The following KCNH8 variants were observed in gnomAD, a reference collection of about 807,000 sequenced individuals.
KCNH8 encodes voltage-gated delayed rectifier potassium channel KCNH8.
In KCNH8, 70 loss-of-function variants were observed where a neutral mutation model predicts 103.6. The observed-to-expected ratio is 0.68, with a 90% CI of 0.56 to 0.82. KCNH8 has a LOEUF of 0.82. KCNH8 is among the 40% of genes least tolerant of loss of function. The pLI is 0.00. For missense variants in KCNH8, 1,217 were observed against 1,329.9 expected, an observed-to-expected ratio of 0.92 and a Z score of 1.32; for synonymous variants, 498 against 489.4, an observed-to-expected ratio of 1.02 and a Z score of -0.23.
chr3:19,531,456 T>G (rs1235523768), intron 15 of KCNH8, among the ~76,000 whole-genome samples: 1 of 152,192 alleles, frequency 6.6e-6, no homozygotes, highest in Non-Finnish European at 1.5e-5. Context: ...TTCTTAAATG[T>G]GAGGCTGAGA....
At chr3:19,386,818 T>C (rs1399516048) in intron 5 of KCNH8, among the ~76,000 whole-genome samples, 2 of 152,144 alleles carry the variant, frequency 1.3e-5, no homozygotes, top group Non-Finnish European at 2.9e-5. Context: ...AAATAAATTC[T>C]GATCTAATTT....
intron 4 of KCNH8, chr3:19,346,842 G>T: frequency 2.8e-6 from 1 of 354,534 alleles, no homozygotes; most frequent in African/African-American, 2.1e-5. Context: ...GTCAAAGCCA[G>T]GTCTGCAAGT....
intron 1 of KCNH8, among the ~76,000 whole-genome samples, chr3:19,186,600 G>C (rs921229672): frequency 6.6e-6 from 1 of 151,822 alleles, no homozygotes; most frequent in Non-Finnish European, 1.5e-5. Context: ...GTTTCGTTGA[G>C]GGATAAATTT....
intron 5 of KCNH8, among the ~76,000 whole-genome samples, chr3:19,358,493 G>T (rs114738222): frequency 6.7e-4 from 101 of 151,840 alleles, no homozygotes; most frequent in African/African-American, 2.3e-3. Flanking sequence ...AGGAAGGAGT[G>T]GATCCAAGAT....
At chr3:19,184,362 G>A (rs1164399073) in intron 1 of KCNH8, among the ~76,000 whole-genome samples, 1 of 151,956 alleles carries the variant, frequency 6.6e-6, no homozygotes, top group Non-Finnish European at 1.5e-5. Context: ...ACATAGCTAT[G>A]TGACAACAGT....
intron 2 of KCNH8, among the ~76,000 whole-genome samples, chr3:19,279,013 G>A (rs2064718039): frequency 6.6e-6 from 1 of 152,118 alleles, no homozygotes; most frequent in African/African-American, 2.4e-5. Flanking sequence ...AATAGCCTCG[G>A]TTATGATTTG....
chr3:19,516,835 C>T (rs1174247571), intron 14 of KCNH8, among the ~76,000 whole-genome samples: 4 of 152,006 alleles, frequency 2.6e-5, no homozygotes, highest in Admixed American at 2.0e-4. Flanking sequence ...TTTCTTTGAC[C>T]TCACACTGTT....
chr3:19,456,817 C>G lies in KCNH8; in HGVS notation c.1875C>G (p.Ile625Met). The change falls in exon 11 of 16, where the codon ATC (isoleucine) becomes ATG (methionine). Residue 625 changes from isoleucine (I) to methionine (M), a missense_variant. Ile to Met is a conservative substitution (Grantham distance 10). Around this residue, in one of 3 missense-constraint regions of KCNH8, gnomAD observed 415 missense variants for 577.4 expected, o/e 0.72. Coordinates refer to ENST00000328405, the MANE Select transcript of KCNH8 (RefSeq NM_144633.3). ...GANLSIKDQV[I>M]KTNADVKALT... Reference sequence around the variant, plus strand: ...ATCTATCAATTAAGGACCAAGTGATCAAGACCAATGCAGATGTAAAGGCTT... The same window carrying G: ...ATCTATCAATTAAGGACCAAGTGATGAAGACCAATGCAGATGTAAAGGCTT... The G allele has an allele frequency of 3.1e-6, 5 of 1,611,658 alleles. No individual in the cohort carries two copies. Among genetic ancestry groups the G allele is most frequent in the Non-Finnish European group, 4.2e-6 (5 of 1,178,646 alleles).
intron 1 of KCNH8, among the ~76,000 whole-genome samples, chr3:19,251,005 T>C (rs2064269631): frequency 6.6e-6 from 1 of 152,180 alleles, no homozygotes; most frequent in Non-Finnish European, 1.5e-5. Context: ...TGTAGTACTT[T>C]GTCAATCCTA....
intron 1 of KCNH8, among the ~76,000 whole-genome samples, chr3:19,175,611 ATAGT>A (rs763614929): frequency 6.6e-6 from 1 of 152,232 alleles, no homozygotes; most frequent in Non-Finnish European, 1.5e-5. Context: ...ATGAGACTAA[ATAGT>A]TAAAATACTG....
intron 2 of KCNH8, among the ~76,000 whole-genome samples, chr3:19,272,326 T>C (rs1232672895): frequency 6.6e-6 from 1 of 151,904 alleles, no homozygotes; most frequent in Admixed American, 6.6e-5. Context: ...CTGCCAAAAA[T>C]ATGAGAGGTA....
At chr3:19,307,087 TTTTGACAAAAG>T (rs1230991403) in intron 3 of KCNH8, among the ~76,000 whole-genome samples, 1 of 151,856 alleles carries the variant, frequency 6.6e-6, no homozygotes, top group East Asian at 1.9e-4. Flanking sequence ...GCCAACTGAT[TTTTGACAAAAG>T]TGCCTAGAAT....
intron 2 of KCNH8, among the ~76,000 whole-genome samples, chr3:19,257,935 C>T (rs947944464): frequency 5.9e-5 from 9 of 152,106 alleles, no homozygotes; most frequent in Non-Finnish European, 7.4e-5. Context: ...TTGCTGGAAA[C>T]CTTTGGTGAT....
chr3:19,390,689 G>T (rs376197937), intron 6 of KCNH8, 51 bp downstream of exon 6: 380 of 1,538,918 alleles, frequency 2.5e-4, no homozygotes, highest in Non-Finnish European at 3.0e-4. Context: ...TTTATTTATC[G>T]CATGTTCAGG....
intron 1 of KCNH8, among the ~76,000 whole-genome samples, chr3:19,211,791 A>G (rs940268414): frequency 9.2e-5 from 14 of 152,158 alleles, no homozygotes; most frequent in African/African-American, 3.4e-4. Context: ...GTCATGCTGG[A>G]TTTCCATTTA....
At chr3:19,219,459 A>G (rs918686328) in intron 1 of KCNH8, among the ~76,000 whole-genome samples, 1 of 152,136 alleles carries the variant, frequency 6.6e-6, no homozygotes, top group Non-Finnish European at 1.5e-5. Flanking sequence ...AGCACCTACA[A>G]CTGAACTTGA....
intron 2 of KCNH8, among the ~76,000 whole-genome samples, chr3:19,272,168 T>G (rs1433519027): frequency 6.6e-6 from 1 of 151,986 alleles, no homozygotes; most frequent in Non-Finnish European, 1.5e-5. Flanking sequence ...AAAGACTGAT[T>G]GCTTCATTTT....
At position 19,281,192 on chromosome 3, in the gene KCNH8, T is replaced by C; in HGVS notation, c.311-6T>C. 1 of 1,608,478 alleles carries C rather than the reference T, an allele frequency of 6.2e-7. No homozygotes were observed. Among genetic ancestry groups the C allele is most frequent in the Non-Finnish European group, 8.5e-7 (1 of 1,177,220 alleles). ...GATTTGTATTTTTTTTTCTTTACTG[T>C]TGCAGGGTCTCCATTTTGGTGCCTA... On this transcript the variant is annotated splice_region_variant and splice_polypyrimidine_tract_variant and intron_variant, in intron 2 of 15. Transcript: ENST00000328405.
intron 7 of KCNH8, among the ~76,000 whole-genome samples, chr3:19,430,427 T>C (rs1270966873): frequency 6.6e-6 from 1 of 151,918 alleles, no homozygotes; most frequent in African/African-American, 2.4e-5. Context: ...TTTGTTTTTG[T>C]TTTTATTTGT....
Sources: allele counts gnomAD v4.1 joint callset (sites outside exome capture counted in the v4.1 genomes callset), GRCh38; gene constraint gnomAD v4.1.1; regional missense constraint gnomAD v4.1.1; transcripts MANE v1.5; gene names NCBI Gene and HGNC (gene_info 2026-07-23, HGNC 2026-07-21).